The following PSG7 variants were observed in gnomAD, a reference collection of about 807,000 sequenced individuals.
PSG7 encodes the protein pregnancy specific beta-1-glycoprotein 7, also known as pregnancy-specific beta-1-glycoprotein 7.
Under a neutral mutation model 45.6 loss-of-function variants are expected in PSG7, and 57 were observed. The ratio of observed to expected loss-of-function variants is 1.25; its 90% CI spans 1.01 to 1.56. The LOEUF is 1.56. PSG7 is among the 40% of genes most tolerant of loss of function. PSG7 has a pLI of 0.00. For missense variants in PSG7, 796 were observed against 508.4 expected (o/e 1.57, Z -5.44); for synonymous variants, 298 against 194.4 (o/e 1.53, Z -4.43).
chr19:42,927,088 T>G (rs566141967), intron 3 of PSG7: 1 of 294,124 alleles, frequency 3.4e-6, no homozygotes, highest in African/African-American at 2.1e-5. Context: ...CTTTCCAAAT[T>G]GCATCCTACT....
chr19:42,925,737 A>C (rs1972867211), intron 5 of PSG7, 36 bp downstream of exon 5: 1 of 1,611,346 alleles, frequency 6.2e-7, no homozygotes, highest in East Asian at 2.2e-5. Flanking sequence ...GACTGCACCT[A>C]AAACCCTATT....
At chr19:42,932,989 C>T (rs1312777730) in intron 2 of PSG7, among the ~76,000 whole-genome samples, 1 of 150,332 alleles carries the variant, frequency 6.7e-6, no homozygotes, top group African/African-American at 2.4e-5. Flanking sequence ...AACCGGCTGA[C>T]CTCATCTATA....
In PSG7 at chr19:42,929,394, T is replaced by C. The variant is rs757442120; in HGVS notation, c.709+48A>G. On this transcript the variant is annotated intron_variant, in intron 3 of 5. Coordinates refer to ENST00000406070, the MANE Select transcript of PSG7 (RefSeq NM_002783.3). ...CTGAGAAGCCCGGCCTCTGGCCATG[T>C]GTATTTGGGATGGCAGCCTGGCTAA... is the stretch of plus-strand genomic sequence containing the variant. 4.0e-5 allele frequency: 65 copies of C among 1,611,602 alleles called. 3 individuals carry two copies. The highest frequency in any genetic ancestry group is 1.6e-4 in the Middle Eastern group (1 of 6,074).
intron 2 of PSG7, among the ~76,000 whole-genome samples, chr19:42,930,458 G>C (rs1224963806): frequency 6.6e-6 from 1 of 151,692 alleles, no homozygotes; most frequent in Non-Finnish European, 1.5e-5. Flanking sequence ...CTGGGTCCAT[G>C]ATGCTCCCTT....
chr19:42,930,495 A>T (rs138699571), intron 2 of PSG7, among the ~76,000 whole-genome samples: 3,096 of 151,814 alleles, frequency 0.02, 171 homozygotes, highest in African/African-American at 0.07. Context: ...GGTGAGGACC[A>T]TGTGGATCTT....
At position 42,924,639 on chromosome 19, in the gene PSG7, T is replaced by C. The variant is rs568523202; in HGVS notation, c.*169A>G. 8.5e-6 allele frequency: 6 copies of C among 705,644 alleles called. No individual in the cohort carries two copies. In the East Asian group the frequency reaches 1.5e-4, roughly 18 times the overall value. The allele number at this position is 705,644 out of a possible 1,614,324, so 43.7% of individuals were successfully genotyped here. On this transcript the variant is annotated 3_prime_UTR_variant, in exon 6 of 6. Coordinates refer to ENST00000406070, the MANE Select transcript of PSG7 (RefSeq NM_002783.3). ...ACAGTTTGAGCAGCTGTTGTTATGG[T>C]GTTGAACATTTTGGTGAGTTCTGAG...
intron 1 of PSG7, 60 bp from the exon 2 acceptor site, chr19:42,935,829 G>C: frequency 6.5e-7 from 1 of 1,547,486 alleles, no homozygotes; most frequent in Non-Finnish European, 8.7e-7. Context: ...TGAAAAGATG[G>C]GCCCCTGGGT....
intron 1 of PSG7, 143 bp from the exon 2 acceptor site, chr19:42,935,912 ACAAACAC>A (rs1973143359): frequency 4.1e-6 from 5 of 1,205,774 alleles, no homozygotes; most frequent in African/African-American, 3.3e-5. Flanking sequence ...ACACACACAC[ACAAACAC>A]ACACACACAC....
At chr19:42,927,150 A>G in intron 3 of PSG7, 1 of 224,094 alleles carries the variant, frequency 4.5e-6, no homozygotes, top group Non-Finnish European at 8.9e-6. Flanking sequence ...AGGACATTCT[A>G]GAGATGAGTA....
chr19:42,933,305 ATATT>A (rs1459050304), intron 2 of PSG7, among the ~76,000 whole-genome samples: 2 of 13,730 alleles, frequency 1.5e-4, no homozygotes, highest in South Asian at 6.7e-3. Flanking sequence ...ATATATATAT[ATATT>A]TTTTTTTTTT....
intron 2 of PSG7, among the ~76,000 whole-genome samples, chr19:42,931,896 C>G (rs1973028152): frequency 9.4e-6 from 1 of 106,902 alleles, no homozygotes; most frequent in Non-Finnish European, 2.0e-5. Context: ...ACTTTTTTTC[C>G]CCCACTCTTT....
chr19:42,929,891 A>G (rs931440430), intron 2 of PSG7, among the ~76,000 whole-genome samples, 171 bp from the exon 3 acceptor site: 1 of 151,396 alleles, frequency 6.6e-6, no homozygotes, highest in Admixed American at 6.6e-5. Flanking sequence ...GGGCTCAGAG[A>G]TTGTGAGGCT....
At chr19:42,934,017 T>A (rs1234110859) in intron 2 of PSG7, among the ~76,000 whole-genome samples, 2 of 151,460 alleles carry the variant, frequency 1.3e-5, no homozygotes, top group African/African-American at 2.4e-5. Flanking sequence ...CATTTCTGCA[T>A]TCAATTCCTT....
intron 2 of PSG7, among the ~76,000 whole-genome samples, chr19:42,933,930 G>A (rs1420196374): frequency 6.6e-6 from 1 of 151,392 alleles, no homozygotes; most frequent in Non-Finnish European, 1.5e-5. Flanking sequence ...GCCTCCGAAG[G>A]ACAAGGGACA....
rs1972480511 is a variant in PSG7, at chr19:42,924,372, CCT to C, written c.*434_*435del. The C allele has an allele frequency of 2.3e-6, 1 of 430,798 alleles. No homozygotes were observed. The highest frequency in any genetic ancestry group is 9.0e-5 in the South Asian group (1 of 11,138). The allele number at this position is 430,798 out of a possible 1,614,324, so 26.7% of individuals were successfully genotyped here. ...CAAGATGGAGAGAGCCACATTTCCT[CCT>C]GAGATGTTATGTAAAAGTCTGAGGT... On this transcript the variant is annotated 3_prime_UTR_variant, in exon 6 of 6. Coordinates refer to ENST00000406070, the MANE Select transcript of PSG7 (RefSeq NM_002783.3).
In PSG7 at chr19:42,936,966, C is replaced by A. The variant is rs531584134; in HGVS notation, c.64+47G>T. On this transcript the variant is annotated intron_variant, in intron 1 of 5. Transcript: ENST00000406070. ...TCCTCTCTAGGAGACCCCATCCAGTCACTCTGCTTCCTTTTCCTGTCCTCT... is the reference window on the plus strand; with the variant it reads ...TCCTCTCTAGGAGACCCCATCCAGTAACTCTGCTTCCTTTTCCTGTCCTCT... 4.2e-5 allele frequency: 68 copies of A among 1,604,380 alleles called. 4 individuals carry two copies. In the South Asian group the frequency reaches 6.6e-4, roughly 16 times the overall value.
At chr19:42,930,517 A>G (rs533457497) in intron 2 of PSG7, among the ~76,000 whole-genome samples, 5 of 151,844 alleles carry the variant, frequency 3.3e-5, no homozygotes, top group Admixed American at 6.6e-5. Context: ...CTAGAAATAC[A>G]TGTTGATGTT....
chr19:42,929,234 C>T, intron 3 of PSG7: 1 of 1,195,364 alleles, frequency 8.4e-7, no homozygotes, highest in Non-Finnish European at 1.2e-6. Context: ...GACCCTGAGT[C>T]TCCCATGACA....
intron 1 of PSG7, chr19:42,936,398 T>A (rs183634855): frequency 6.4e-6 from 1 of 156,396 alleles, no homozygotes. Flanking sequence ...ATTGTTGAGG[T>A]TTTTTGCTGA....
Sources: allele counts gnomAD v4.1 joint callset (sites outside exome capture counted in the v4.1 genomes callset), GRCh38; gene constraint gnomAD v4.1.1; transcripts MANE v1.5; gene names NCBI Gene and HGNC (gene_info 2026-07-23, HGNC 2026-07-21).